Variants in SGCG observed in about 807,000 individuals in gnomAD.
SGCG encodes sarcoglycan gamma.
In SGCG, 26 loss-of-function variants were observed where a neutral mutation model predicts 29.3. The observed-to-expected ratio is 0.89, with a 90% CI of 0.65 to 1.23. The LOEUF is 1.23. Among genes scored for constraint, SGCG ranks in the 50% most tolerant of loss-of-function variants. The probability of loss-of-function intolerance (pLI) is 0.00; values close to 1 mark genes in which losing one functional copy is unlikely to be tolerated. For missense variants in SGCG, 353 were observed against 356.0 expected, an observed-to-expected ratio of 0.99 and a Z score of 0.07; for synonymous variants, 145 against 129.7, an observed-to-expected ratio of 1.12 and a Z score of -0.80.
At chr13:23,287,189 A>G (rs1236054112) in intron 5 of SGCG, among the ~76,000 whole-genome samples, 1 of 152,220 alleles carries the variant, frequency 6.6e-6, no homozygotes, top group Non-Finnish European at 1.5e-5. Flanking sequence ...AGCCCAATCT[A>G]TCCCATGAGC....
chr13:23,251,692 C>T (rs768615067), intron 4 of SGCG, among the ~76,000 whole-genome samples: 2 of 151,798 alleles, frequency 1.3e-5, no homozygotes, highest in East Asian at 1.9e-4. Flanking sequence ...GAGGATCACT[C>T]GAGCCTAGGA....
chr13:23,212,192 C>T (rs1013462048), intron 2 of SGCG, among the ~76,000 whole-genome samples: 13 of 152,126 alleles, frequency 8.5e-5, no homozygotes, highest in African/African-American at 2.9e-4. Context: ...GAACCATGAG[C>T]CAGTTAAACC....
chr13:23,189,054 C>T (rs1161491628), intron 1 of SGCG, among the ~76,000 whole-genome samples: 1 of 152,246 alleles, frequency 6.6e-6, no homozygotes, highest in East Asian at 1.9e-4. Context: ...TGCCATTCTT[C>T]CTAGGATGTG....
chr13:23,308,091 C>T (rs1882424461), intron 6 of SGCG, among the ~76,000 whole-genome samples: 1 of 152,206 alleles, frequency 6.6e-6, no homozygotes, highest in Non-Finnish European at 1.5e-5. Flanking sequence ...AATTTATAGA[C>T]ACTGATCTTT....
chr13:23,264,551 A>G (rs1371499138), intron 4 of SGCG, among the ~76,000 whole-genome samples: 1 of 152,146 alleles, frequency 6.6e-6, no homozygotes, highest in Non-Finnish European at 1.5e-5. Flanking sequence ...TACCAGCATC[A>G]TTCTTACAGA....
At chr13:23,304,497 A>G (rs1882288200) in intron 6 of SGCG, among the ~76,000 whole-genome samples, 1 of 151,916 alleles carries the variant, frequency 6.6e-6, no homozygotes, top group Non-Finnish European at 1.5e-5. Context: ...TTACCACCAA[A>G]TGTCTCTATA....
At chr13:23,171,072 T>G in the SGCG span, among the ~76,000 whole-genome samples, 1 of 152,192 alleles carries the variant, frequency 6.6e-6, no homozygotes, top group Non-Finnish European at 1.5e-5. Flanking sequence ...GATACACCAT[T>G]AAGTCAAAAT....
intron 2 of SGCG, among the ~76,000 whole-genome samples, chr13:23,219,347 A>C (rs765274263): frequency 3.3e-5 from 5 of 152,126 alleles, no homozygotes; most frequent in Non-Finnish European, 5.9e-5. Context: ...ACGCCCGGCC[A>C]TAGGTTTTTT....
chr13:23,286,802 G>A (rs1881513979), intron 5 of SGCG, among the ~76,000 whole-genome samples: 1 of 152,200 alleles, frequency 6.6e-6, no homozygotes, highest in African/African-American at 2.4e-5. Flanking sequence ...GATGTGAGAT[G>A]AGAAAATGCC....
chr13:23,234,633 T>C lies in SGCG; in HGVS notation c.218T>C (p.Val73Ala). ...FSPAGMGHLC[V>A]TKDGLRLEGE... is the part of the protein sequence containing the mutation. ...CAGGCAGGAATGGGCCACTTGTGTG[T>C]AACAAAAGATGGACTGCGCTTGGAA... is the stretch of plus-strand genomic sequence containing the variant. Residue 73 changes from valine to alanine, a missense_variant, in exon 3 of 8, where the codon GTA becomes GCA. Transcript: ENST00000218867. 1 of 1,611,950 alleles carries C rather than the reference T, an allele frequency of 6.2e-7. No homozygotes were observed. Among genetic ancestry groups the C allele is most frequent in the Non-Finnish European group, 8.5e-7 (1 of 1,178,278 alleles).
At chr13:23,161,281 C>T in the SGCG span, among the ~76,000 whole-genome samples, 1 of 152,190 alleles carries the variant, frequency 6.6e-6, no homozygotes, top group Non-Finnish European at 1.5e-5. Flanking sequence ...GTTACATCAG[C>T]GTTAGCAAGT....
chr13:23,308,815 T>C (rs556698), intron 6 of SGCG, among the ~76,000 whole-genome samples: 122,009 of 152,136 alleles, frequency 0.8, 51,629 homozygotes, highest in East Asian at 1. Flanking sequence ...TCACTCACGT[T>C]GGCCTCCCAG....
the SGCG span, among the ~76,000 whole-genome samples, chr13:23,164,545 C>T: frequency 2.0e-5 from 3 of 152,144 alleles, no homozygotes; most frequent in Non-Finnish European, 4.4e-5. Context: ...TTTCCTTTGG[C>T]TCATGGTTCT....
intron 4 of SGCG, among the ~76,000 whole-genome samples, chr13:23,270,703 C>T (rs1880841091): frequency 6.6e-6 from 1 of 152,118 alleles, no homozygotes; most frequent in Admixed American, 6.5e-5. Context: ...TGTATTCAAA[C>T]ATAGAATCTT....
At chr13:23,284,298 T>A (rs892215445) in intron 5 of SGCG, among the ~76,000 whole-genome samples, 1 of 152,202 alleles carries the variant, frequency 6.6e-6, no homozygotes, top group Non-Finnish European at 1.5e-5. Flanking sequence ...ATGGCTTTGT[T>A]CATTCCTTTT....
At chr13:23,316,087 C>G (rs1169275185) in intron 6 of SGCG, among the ~76,000 whole-genome samples, 2 of 152,214 alleles carry the variant, frequency 1.3e-5, no homozygotes, top group South Asian at 2.1e-4. Context: ...CAAGGCTATT[C>G]TGGCTACAGC....
chr13:23,269,420 T>C (rs892854583), intron 4 of SGCG, among the ~76,000 whole-genome samples: 2 of 152,140 alleles, frequency 1.3e-5, no homozygotes, highest in Non-Finnish European at 2.9e-5. Flanking sequence ...CAAAAAGATA[T>C]AGTCAAGAAA....
chr13:23,211,336 A>G (rs1878201914), intron 2 of SGCG, among the ~76,000 whole-genome samples: 1 of 152,172 alleles, frequency 6.6e-6, no homozygotes, highest in Admixed American at 6.5e-5. Flanking sequence ...CCTGCGGTGC[A>G]GAGAAGGGCA....
At chr13:23,161,002 T>C in the SGCG span, among the ~76,000 whole-genome samples, 67 of 152,280 alleles carry the variant, frequency 4.4e-4, no homozygotes, top group African/African-American at 1.4e-3. Flanking sequence ...TCAGAGTGAA[T>C]TGGTTCTCTG....
Sources: allele counts gnomAD v4.1 joint callset (sites outside exome capture counted in the v4.1 genomes callset), GRCh38; gene constraint gnomAD v4.1.1; transcripts MANE v1.5; gene names NCBI Gene and HGNC (gene_info 2026-07-23, HGNC 2026-07-21).